VTI1A: variants seen among roughly 807,000 people sequenced by gnomAD.
VTI1A encodes the protein vesicle transport through interaction with t-SNAREs 1A.
A neutral mutation model predicts 34.9 loss-of-function variants in VTI1A; 22 were observed. The observed-to-expected ratio is 0.63, with a 90% confidence interval of 0.45 to 0.90. The LOEUF (loss-of-function observed/expected upper bound fraction) is 0.90, where lower values mean the gene tolerates loss of function less well. Ranked by LOEUF, VTI1A falls within the 40% of genes least tolerant of loss-of-function variation. The probability of loss-of-function intolerance (pLI) is 0.00; values close to 1 mark genes in which losing one functional copy is unlikely to be tolerated. For missense variants in VTI1A, 268 were observed against 275.6 expected, an observed-to-expected ratio of 0.97 and a Z score of 0.20; for synonymous variants, 87 against 97.3, an observed-to-expected ratio of 0.89 and a Z score of 0.62.
At chr10:112,821,781 G>A (rs1353863028), downstream of VTI1A, among the ~76,000 whole-genome samples, 1 of 152,232 alleles carries the variant, frequency 6.6e-6, no homozygotes, top group African/African-American at 2.4e-5. Flanking sequence ...GCCGCAGGCT[G>A]GGAGACCAGC....
chr10:112,640,241 T>A (rs770527859), intron 5 of VTI1A, among the ~76,000 whole-genome samples: 1 of 152,186 alleles, frequency 6.6e-6, no homozygotes, highest in Non-Finnish European at 1.5e-5. Context: ...TATTAGGACA[T>A]CTTTAATAGC....
intron 3 of VTI1A, among the ~76,000 whole-genome samples, chr10:112,499,296 C>T (rs920258239): frequency 2.6e-5 from 4 of 152,056 alleles, no homozygotes; most frequent in African/African-American, 9.7e-5. Context: ...TGATTCCCTC[C>T]CTCCTTCTTG....
At chr10:112,564,776 T>G (rs1851851708) in intron 5 of VTI1A, among the ~76,000 whole-genome samples, 9 of 152,138 alleles carry the variant, frequency 5.9e-5, no homozygotes, top group Admixed American at 5.9e-4. Flanking sequence ...AACAATAAAG[T>G]TGACTGTGTA....
At chr10:112,524,163 T>C (rs1023784097) in intron 3 of VTI1A, among the ~76,000 whole-genome samples, 12 of 152,158 alleles carry the variant, frequency 7.9e-5, no homozygotes, top group African/African-American at 2.7e-4. Context: ...ATGATGATCT[T>C]GCAGGCTAAG....
chr10:112,653,213 T>A (rs1847102728), intron 5 of VTI1A, among the ~76,000 whole-genome samples: 1 of 152,204 alleles, frequency 6.6e-6, no homozygotes, highest in African/African-American at 2.4e-5. Flanking sequence ...TGTTTCCATT[T>A]GATTTGGTTC....
At chr10:112,678,806 T>A (rs1848117536) in intron 7 of VTI1A, among the ~76,000 whole-genome samples, 1 of 152,102 alleles carries the variant, frequency 6.6e-6, no homozygotes, top group South Asian at 2.1e-4. Flanking sequence ...CTTTTCAAAG[T>A]GCAGTTAGGG....
At chr10:112,842,436 C>T in the VTI1A span, among the ~76,000 whole-genome samples, 2 of 152,164 alleles carry the variant, frequency 1.3e-5, no homozygotes, top group African/African-American at 4.8e-5. Flanking sequence ...GCCTTGCTTA[C>T]AAGATCACAT....
intron 7 of VTI1A, among the ~76,000 whole-genome samples, chr10:112,716,165 T>G (rs1228916182): frequency 6.6e-6 from 1 of 152,256 alleles, no homozygotes. Flanking sequence ...TGAAAAAATT[T>G]CTGACGAAGT....
intron 4 of VTI1A, among the ~76,000 whole-genome samples, chr10:112,528,216 G>T (rs1850304932): frequency 6.6e-6 from 1 of 152,006 alleles, no homozygotes; most frequent in Non-Finnish European, 1.5e-5. Context: ...TTGCATAATT[G>T]TATTTACCAT....
intron 5 of VTI1A, among the ~76,000 whole-genome samples, chr10:112,664,498 C>T (rs1206237210): frequency 6.6e-6 from 1 of 152,118 alleles, no homozygotes; most frequent in African/African-American, 2.4e-5. Context: ...GTGATATAAG[C>T]TCTTCAAACT....
chr10:112,712,552 G>A (rs1389293376), intron 7 of VTI1A, among the ~76,000 whole-genome samples: 1 of 151,738 alleles, frequency 6.6e-6, no homozygotes, highest in African/African-American at 2.4e-5. Context: ...ACTCCAGAGG[G>A]GGAAGAAAGG....
rs1242861727 is a variant in VTI1A at position 112,700,141 on chromosome 10, C to CA, written c.560+31156dup. ...TCAAAAAAAAAAAAAAAAAACAAAA[C>CA]AAAAAAAAAAAAACACTCGGAGGTA... On this transcript the variant is annotated intron_variant, in intron 7 of 7. Transcript: ENST00000393077. Among the ~76,000 whole-genome samples the CA allele has an allele frequency of 1.4e-3, 144 of 104,016 alleles. 1 individual carries two copies. Among genetic ancestry groups the CA allele is most frequent in the Middle Eastern group, 5.1e-3 (1 of 198 alleles). The allele number at this position is 104,016 out of a possible 152,430, so 68.2% of individuals were successfully genotyped here.
At chr10:112,584,538 A>G (rs1844075123) in intron 5 of VTI1A, among the ~76,000 whole-genome samples, 1 of 152,196 alleles carries the variant, frequency 6.6e-6, no homozygotes, top group Non-Finnish European at 1.5e-5. Flanking sequence ...TATGCTTCCA[A>G]CATACAGGCA....
intron 5 of VTI1A, among the ~76,000 whole-genome samples, chr10:112,612,932 G>GATATAA (rs1845375423): frequency 6.6e-6 from 1 of 151,806 alleles, no homozygotes; most frequent in Admixed American, 6.6e-5. Flanking sequence ...CATTTATTTT[G>GATATAA]CATATAACCT....
At chr10:112,654,713 C>T (rs561658182) in intron 5 of VTI1A, among the ~76,000 whole-genome samples, 2 of 152,218 alleles carry the variant, frequency 1.3e-5, no homozygotes, top group East Asian at 3.9e-4. Flanking sequence ...GATCTCCTGA[C>T]CTGGTGATCC....
At chr10:112,458,911 C>T (rs1847636624) in intron 1 of VTI1A, among the ~76,000 whole-genome samples, 1 of 152,044 alleles carries the variant, frequency 6.6e-6, no homozygotes, top group East Asian at 1.9e-4. Flanking sequence ...TGTGATCCAC[C>T]CATCTAGGCC....
intron 5 of VTI1A, among the ~76,000 whole-genome samples, chr10:112,561,025 T>C (rs1200510019): frequency 6.6e-6 from 1 of 152,214 alleles, no homozygotes; most frequent in Non-Finnish European, 1.5e-5. Flanking sequence ...AATCTTTGTC[T>C]CTTATTGTAT....
chr10:112,621,652 C>T (rs969146343), intron 5 of VTI1A, among the ~76,000 whole-genome samples: 1 of 152,184 alleles, frequency 6.6e-6, no homozygotes, highest in African/African-American at 2.4e-5. Context: ...TTTCAGTGAG[C>T]ACCAGCGTGT....
At chr10:112,814,889 T>G (rs1185628730) in intron 7 of VTI1A, among the ~76,000 whole-genome samples, 5 of 152,150 alleles carry the variant, frequency 3.3e-5, no homozygotes, top group African/African-American at 1.2e-4. Flanking sequence ...CTTGGAGTAT[T>G]TTACTTTAAC....
Sources: gnomAD v4.1 joint callset for allele counts (sites outside exome capture counted in the v4.1 genomes callset) on GRCh38, gnomAD v4.1.1 for gene constraint, MANE v1.5 for transcripts, NCBI Gene and HGNC (gene_info 2026-07-23, HGNC 2026-07-21) for gene names.